BDH1: variants seen among roughly 807,000 people sequenced by gnomAD.
BDH1 encodes the protein D-beta-hydroxybutyrate dehydrogenase, mitochondrial.
Under a neutral mutation model 33.1 loss-of-function variants are expected in BDH1, and 30 were observed. That is an observed-to-expected ratio of 0.91 (90% CI 0.68 to 1.23). BDH1 has a LOEUF of 1.23. Ranked by LOEUF, BDH1 falls within the 50% of genes most tolerant of loss-of-function variation. The probability of loss-of-function intolerance (pLI) is 0.00; values close to 1 mark genes in which losing one functional copy is unlikely to be tolerated. For synonymous variants in BDH1, 190 were observed against 183.6 expected (o/e 1.03, Z -0.28); for missense variants, 443 against 464.4 (o/e 0.95, Z 0.42).
At chr3:197,555,740 A>C (rs988821326) in intron 1 of BDH1, 41 bp downstream of exon 1, 36 of 152,302 alleles carry the variant, frequency 2.4e-4, no homozygotes, top group African/African-American at 7.2e-4. Context: ...GGCGCCAGGG[A>C]ATCCCGCCCG....
chr3:197,548,079 G>C (rs1334977349), intron 2 of BDH1, among the ~76,000 whole-genome samples: 1 of 152,246 alleles, frequency 6.6e-6, no homozygotes, highest in Non-Finnish European at 1.5e-5. Context: ...ACGCAAAGGA[G>C]GCACTCTGAG....
intron 2 of BDH1, among the ~76,000 whole-genome samples, chr3:197,547,466 C>G (rs1716178942): frequency 6.6e-6 from 1 of 152,266 alleles, no homozygotes; most frequent in Non-Finnish European, 1.5e-5. Context: ...GCAGTGTTAA[C>G]TGAGCAACCA....
At chr3:197,570,510 G>A (rs1332260584) in intron 1 of BDH1, among the ~76,000 whole-genome samples, 2 of 152,158 alleles carry the variant, frequency 1.3e-5, no homozygotes, top group Non-Finnish European at 2.9e-5. Flanking sequence ...TGGGCCCAGG[G>A]GCCCCCTGCT....
rs1475937578 is a variant in BDH1 at position 197,554,747 on chromosome 3, C to T, written c.-195-34G>A. 1 of 152,030 alleles carries T rather than the reference C, an allele frequency of 6.6e-6. No individual in the cohort carries two copies. Among genetic ancestry groups the T allele is most frequent in the Non-Finnish European group, 1.5e-5 (1 of 68,008 alleles). 9.4% of individuals were successfully genotyped at this position (152,030 alleles called of 1,614,324 possible). ...GAAAAAAAAAAAACGCGGAGTTCGA[C>T]GCCGCGCGCAGCACCAAACACTTCC... On this transcript the variant is annotated intron_variant, in intron 1 of 7. Coordinates refer to ENST00000392379, the MANE Select transcript of BDH1 (RefSeq NM_203314.3). The surrounding 1 kb of genome is among the most constrained non-coding windows in gnomAD (Gnocchi z 4.4).
rs1480513711 is a variant in BDH1, at chr3:197,532,489, C to T, written c.190G>A (p.Asp64Asn). The change falls in exon 5 of 8, where the codon GAC becomes AAC. Residue 64 changes from aspartate (D) to asparagine (N), a missense_variant. Asp to Asn is a conservative substitution (Grantham distance 23). Transcript: ENST00000392379. ...GSKAVLVTGC[D>N]SGFGFSLAKH... ...GCCAATGAGAACCCAAATCCAGAGT[C>T]ACAGCCTGTGACCAGGACAGCTTTG... 2.5e-6 allele frequency: 4 copies of T among 1,614,090 alleles called. No homozygotes were observed. Among genetic ancestry groups the T allele is most frequent in the Admixed American group, 1.7e-5 (1 of 60,000 alleles).
upstream of BDH1, among the ~76,000 whole-genome samples, chr3:197,556,310 T>G (rs1285227170): frequency 1.3e-5 from 2 of 152,242 alleles, no homozygotes; most frequent in Non-Finnish European, 2.9e-5. Flanking sequence ...CCAGGTCCTG[T>G]GCGTGTTGCT....
intron 3 of BDH1, among the ~76,000 whole-genome samples, chr3:197,535,044 A>C (rs2108745711): frequency 6.6e-6 from 1 of 152,318 alleles, no homozygotes; most frequent in East Asian, 1.9e-4. Flanking sequence ...GTAACCTCAC[A>C]TGGCAAAGGT....
At chr3:197,543,710 A>G (rs1715852157) in intron 3 of BDH1, among the ~76,000 whole-genome samples, 1 of 152,226 alleles carries the variant, frequency 6.6e-6, no homozygotes. Flanking sequence ...CCACACCTTA[A>G]GAAGGAGCAC....
chr3:197,564,253 G>A (rs1199314760), intron 1 of BDH1, among the ~76,000 whole-genome samples: 5 of 151,748 alleles, frequency 3.3e-5, no homozygotes, highest in South Asian at 2.1e-4. Context: ...GGGATGTTCA[G>A]GACAAACCAG....
In BDH1 at chr3:197,561,781, C is replaced by T. The variant is rs78092811; in HGVS notation, c.-44+11400G>A. On this transcript the variant is annotated intron_variant, in intron 1 of 6. Transcript: ENST00000358186. ...ATTTCTCACAGCTAAAACAAACAAA[C>T]AAAACAACAACAACAACAACAAAAA... is the stretch of plus-strand genomic sequence containing the variant. 8.5e-4 allele frequency among the ~76,000 whole-genome samples: 129 copies of T among 151,924 alleles called. 2 individuals carry two copies. In the East Asian group the frequency reaches 0.023, roughly 27 times the overall value.
At chr3:197,527,804 T>C (rs928304639) in intron 5 of BDH1, among the ~76,000 whole-genome samples, 1 of 151,802 alleles carries the variant, frequency 6.6e-6, no homozygotes, top group African/African-American at 2.4e-5. Flanking sequence ...CTCCTTAGTT[T>C]CTGTGACACT....
At chr3:197,519,436 G>T (rs538352079) in intron 6 of BDH1, among the ~76,000 whole-genome samples, 47 of 151,956 alleles carry the variant, frequency 3.1e-4, no homozygotes, top group Admixed American at 1.0e-3. Context: ...CAAGGCAGGT[G>T]GATCACCTGA....
chr3:197,519,498 T>C (rs1352098902), intron 6 of BDH1, among the ~76,000 whole-genome samples: 2 of 130,988 alleles, frequency 1.5e-5, no homozygotes, highest in Admixed American at 7.6e-5. Context: ...CCTTCTTTAC[T>C]AAAAAAAAAA....
chr3:197,523,822 T>A lies in BDH1; in HGVS notation c.268-1041A>T, dbSNP rs548976128. Among the ~76,000 whole-genome samples the A allele has an allele frequency of 2.4e-4, 36 of 152,108 alleles. No homozygotes were observed. The highest frequency in any genetic ancestry group is 7.5e-4 in the African/African-American group (31 of 41,500). ...GAGGACATTCACAAGAGGGGGCCGA[T>A]GGGGACGGGGCACTGTGGGAAGAGA... is the stretch of plus-strand genomic sequence containing the variant. On this transcript the variant is annotated intron_variant, in intron 5 of 7. Transcript: ENST00000392379. This position sits in a 1 kb window ranked among gnomAD's most constrained non-coding sequence, Gnocchi z 4.5.
intron 1 of BDH1, among the ~76,000 whole-genome samples, chr3:197,565,569 A>T (rs949451050): frequency 6.6e-6 from 1 of 152,194 alleles, no homozygotes; most frequent in African/African-American, 2.4e-5. Context: ...TATTTATATA[A>T]ATATGTTATT....
upstream of BDH1, among the ~76,000 whole-genome samples, chr3:197,556,211 G>A (rs1028600615): frequency 3.3e-5 from 5 of 152,246 alleles, no homozygotes; most frequent in Non-Finnish European, 7.3e-5. Context: ...GCCAGGTGCG[G>A]AAAGGGTTGC....
intron 6 of BDH1, among the ~76,000 whole-genome samples, chr3:197,515,189 C>T (rs930801706): frequency 6.6e-6 from 1 of 152,188 alleles, no homozygotes; most frequent in Non-Finnish European, 1.5e-5. Flanking sequence ...TTCCGTGTTA[C>T]CCAAATTAAA....
intron 1 of BDH1, among the ~76,000 whole-genome samples, chr3:197,564,639 G>A (rs577080574): frequency 6.6e-6 from 1 of 152,122 alleles, no homozygotes. Context: ...TCTCAGGAAA[G>A]GGGCATGTGA....
intron 5 of BDH1, among the ~76,000 whole-genome samples, chr3:197,524,435 C>A (rs1394376244): frequency 3.3e-5 from 5 of 152,192 alleles, no homozygotes. Context: ...ACCAGAAGAA[C>A]CCCAACCCCG....
Sources: allele counts gnomAD v4.1 joint callset (sites outside exome capture counted in the v4.1 genomes callset), GRCh38; gene constraint gnomAD v4.1.1; non-coding constraint Gnocchi (gnomAD v3.1); transcripts MANE v1.5; gene names NCBI Gene and HGNC (gene_info 2026-07-23, HGNC 2026-07-21).